Variants in TRPM1 observed in about 807,000 individuals in gnomAD.
TRPM1 encodes the protein TRPM1-203 APA Isoform, Intron 10.
Under a neutral mutation model 149.4 loss-of-function variants are expected in TRPM1, and 113 were observed. The observed-to-expected ratio is 0.76, with a 90% CI of 0.65 to 0.88. The LOEUF (loss-of-function observed/expected upper bound fraction) is 0.88, where lower values mean the gene tolerates loss of function less well. TRPM1 is among the 40% of genes least tolerant of loss of function. TRPM1 has a pLI of 0.00. For missense variants in TRPM1, 1,976 were observed against 2,038.7 expected (o/e 0.97, Z 0.59); for synonymous variants, 741 against 759.5 (o/e 0.98, Z 0.40).
At chr15:31,112,993 C>G (rs1004925418) in intron 1 of TRPM1, among the ~76,000 whole-genome samples, 1 of 152,144 alleles carries the variant, frequency 6.6e-6, no homozygotes, top group Non-Finnish European at 1.5e-5. Flanking sequence ...ACAAGCTTAA[C>G]CATCTGAGGT....
chr15:31,084,461 C>T (rs1484225750), intron 1 of TRPM1, among the ~76,000 whole-genome samples: 2 of 152,110 alleles, frequency 1.3e-5, no homozygotes, highest in Non-Finnish European at 2.9e-5. Context: ...AATCATTCAA[C>T]GTGTGGCCTT....
intron 3 of TRPM1, among the ~76,000 whole-genome samples, chr15:31,071,906 A>T (rs886281477): frequency 6.8e-6 from 1 of 146,448 alleles, no homozygotes; most frequent in African/African-American, 2.5e-5. Flanking sequence ...AGAGGTTGCA[A>T]TGAGCCGGGA....
Position 31,004,206 on chromosome 15 carries a change from A to G in TRPM1, c.3630-1136T>C, listed in dbSNP as rs146225893. On this transcript the variant is annotated intron_variant, in intron 27 of 27. Coordinates refer to ENST00000256552, the MANE Select transcript of TRPM1 (RefSeq NM_001252024.2). ...GCTTGCATTGCAGTCTGTATGACCT[A>G]CGAAGGTCTTTGCTACCTTCTCTGC... Among the ~76,000 whole-genome samples, 535 of 152,106 alleles carry G rather than the reference A, an allele frequency of 3.5e-3. 2 individuals are homozygous for G. Among genetic ancestry groups the G allele is most frequent in the Non-Finnish European group, 6.0e-3 (405 of 68,018 alleles).
At chr15:31,130,381 G>A (rs528661750) in intron 1 of TRPM1, among the ~76,000 whole-genome samples, 1 of 152,350 alleles carries the variant, frequency 6.6e-6, no homozygotes, top group South Asian at 2.1e-4. Context: ...CCTGGGTGTA[G>A]GCTGAACTAA....
chr15:31,113,150 G>A (rs1332411585), intron 1 of TRPM1, among the ~76,000 whole-genome samples: 4 of 152,108 alleles, frequency 2.6e-5, no homozygotes. Context: ...TCTTCTGCCT[G>A]AATCACCCCC....
intron 21 of TRPM1, among the ~76,000 whole-genome samples, chr15:31,034,576 C>T (rs1028160947): frequency 6.6e-6 from 1 of 152,212 alleles, no homozygotes; most frequent in African/African-American, 2.4e-5. Flanking sequence ...AGGATTAGGC[C>T]AAGGACAGGG....
chr15:31,151,068 G>A (rs142634777), intron 1 of TRPM1, among the ~76,000 whole-genome samples: 146 of 152,174 alleles, frequency 9.6e-4, no homozygotes, highest in African/African-American at 3.4e-3. Context: ...CAACCCATTC[G>A]GCCCCCTCTC....
At chr15:31,067,814 T>G (rs1596034673) in intron 5 of TRPM1, 65 bp downstream of exon 5, 3 of 1,521,678 alleles carry the variant, frequency 2.0e-6, no homozygotes, top group Non-Finnish European at 1.8e-6. Flanking sequence ...TAGGAAGCTC[T>G]TTGGGGACCA....
chr15:31,007,630 C>T (rs540922825), intron 27 of TRPM1, among the ~76,000 whole-genome samples: 2 of 92,738 alleles, frequency 2.2e-5, no homozygotes, highest in Admixed American at 1.2e-4. Context: ...AGGGAGACTT[C>T]GTCTATAACA....
At chr15:31,036,262 G>A (rs2911854) in intron 20 of TRPM1, among the ~76,000 whole-genome samples, 76,437 of 151,890 alleles carry the variant, frequency 0.5, 21,508 homozygotes, top group East Asian at 0.94. Flanking sequence ...AGGCAAAAGC[G>A]GGGAGTTAAG....
At chr15:31,128,682 C>T (rs1008959171) in intron 1 of TRPM1, among the ~76,000 whole-genome samples, 1 of 152,220 alleles carries the variant, frequency 6.6e-6, no homozygotes, top group South Asian at 2.1e-4. Context: ...AGCCCCAACA[C>T]ACCCCATACC....
intron 1 of TRPM1, among the ~76,000 whole-genome samples, chr15:31,115,008 A>C (rs1289219102): frequency 6.6e-6 from 1 of 152,248 alleles, no homozygotes; most frequent in Non-Finnish European, 1.5e-5. Context: ...TAATCCCAGC[A>C]CTTTGGGAGG....
Position 31,002,344 on chromosome 15 carries a change from A to G in TRPM1, c.4356T>C (p.Asn1452=), listed in dbSNP as rs1424874462. ...TTCTGGACTTCATTGTTTTACAAGC[A>G]TTGATCGTTTCATCGGGGAAATAGC... ...ITRYFPDETI[N]ACKTMKSRSF... is the part of the protein sequence containing the mutation. The change falls in exon 28 of 28, where the codon AAT becomes AAC. Residue 1452 remains asparagine, a synonymous_variant. Coordinates refer to ENST00000256552, the MANE Select transcript of TRPM1 (RefSeq NM_001252024.2). 6.2e-7 allele frequency: 1 copy of G among 1,614,104 alleles called. No individual in the cohort carries two copies. The highest frequency in any genetic ancestry group is 8.5e-7 in the Non-Finnish European group (1 of 1,180,042).
At chr15:31,085,929 G>C (rs1054075318) in intron 1 of TRPM1, among the ~76,000 whole-genome samples, 1 of 152,170 alleles carries the variant, frequency 6.6e-6, no homozygotes. Flanking sequence ...CTTAGAGAAA[G>C]ACCCCAGGCC....
intron 3 of TRPM1, among the ~76,000 whole-genome samples, chr15:31,072,343 T>C (rs764641376): frequency 1.3e-5 from 2 of 152,110 alleles, no homozygotes; most frequent in Non-Finnish European, 2.9e-5. Flanking sequence ...TATTGTAGCA[T>C]GTGTTGGTAC....
intron 9 of TRPM1, among the ~76,000 whole-genome samples, chr15:31,062,123 C>T (rs16956503): frequency 7.2e-5 from 11 of 152,090 alleles, no homozygotes; most frequent in African/African-American, 2.7e-4. Flanking sequence ...GATGCAAAGT[C>T]GTATCTAATC....
At chr15:31,028,220 C>T in intron 25 of TRPM1, 112 bp downstream of exon 25, 2 of 1,410,418 alleles carry the variant, frequency 1.4e-6, no homozygotes, top group Non-Finnish European at 2.0e-6. Context: ...ACTTAAAAAC[C>T]CTAATGAAAT....
chr15:31,010,146 T>G lies in TRPM1; in HGVS notation c.3630-7076A>C, dbSNP rs372782127. Among the ~76,000 whole-genome samples, 10 of 152,336 alleles carry G rather than the reference T, an allele frequency of 6.6e-5. No individual in the cohort carries two copies. In the East Asian group the frequency reaches 1.3e-3, roughly 21 times the overall value. On this transcript the variant is annotated intron_variant, in intron 27 of 27. Coordinates refer to ENST00000256552, the MANE Select transcript of TRPM1 (RefSeq NM_001252024.2). ...ATATTATACCACATGACTCTGAATC[T>G]TGTTTAATTTTCATGGAGAATGTTG...
intron 1 of TRPM1, among the ~76,000 whole-genome samples, chr15:31,136,146 G>A (rs1454294509): frequency 1.3e-5 from 2 of 152,084 alleles, no homozygotes; most frequent in African/African-American, 4.8e-5. Flanking sequence ...CTTATCTCTG[G>A]GAGAGTGGGA....
Sources: gnomAD v4.1 joint callset for allele counts (sites outside exome capture counted in the v4.1 genomes callset) on GRCh38, gnomAD v4.1.1 for gene constraint, MANE v1.5 for transcripts, NCBI Gene and HGNC (gene_info 2026-07-23, HGNC 2026-07-21) for gene names.